The following GREB1 variants were observed in gnomAD, a reference collection of about 807,000 sequenced individuals.
The protein encoded by GREB1 is protein GREB1.
GREB1 carries 106 observed loss-of-function variants against 200.7 expected under a neutral mutation model. The observed-to-expected ratio is 0.53, with a 90% CI of 0.45 to 0.62. The LOEUF (loss-of-function observed/expected upper bound fraction) is 0.62, where lower values mean the gene tolerates loss of function less well. Among genes scored for constraint, GREB1 ranks in the 20% least tolerant of loss-of-function variants. GREB1 has a pLI of 0.00. For missense variants in GREB1, 2,243 were observed against 2,556.8 expected (o/e 0.88, Z 2.65); for synonymous variants, 1,132 against 1,092.4 (o/e 1.04, Z -0.72).
chr2:11,626,723 G>T (rs1684489446), intron 24 of GREB1, among the ~76,000 whole-genome samples: 1 of 152,328 alleles, frequency 6.6e-6, no homozygotes, highest in South Asian at 2.1e-4. Context: ...TTAGTCTACA[G>T]TAAGACATGA....
chr2:11,626,380 G>C (rs1684453498), intron 24 of GREB1, among the ~76,000 whole-genome samples: 1 of 152,082 alleles, frequency 6.6e-6, no homozygotes, highest in Non-Finnish European at 1.5e-5. Flanking sequence ...CTGAGGTCAG[G>C]AGTTCAAGAC....
chr2:11,568,704 C>G (rs901176594), intron 4 of GREB1, among the ~76,000 whole-genome samples: 14 of 152,342 alleles, frequency 9.2e-5, no homozygotes, highest in African/African-American at 3.1e-4. Context: ...GGAGGCTCTG[C>G]CTGTTGGCCC....
intron 2 of GREB1, among the ~76,000 whole-genome samples, chr2:11,558,760 G>C (rs188346236): frequency 1.1e-4 from 17 of 152,282 alleles, no homozygotes; most frequent in Admixed American, 9.2e-4. Flanking sequence ...GTTTGTCGGG[G>C]TTTCTTATCT....
chr2:11,485,596 G>A (rs955284571), intron 1 of GREB1, among the ~76,000 whole-genome samples: 22 of 152,126 alleles, frequency 1.4e-4, no homozygotes, highest in African/African-American at 5.3e-4. Flanking sequence ...TGAAACATCT[G>A]TGTTTCTCAC....
In GREB1 at chr2:11,638,018, C is replaced by T. The variant is rs963365149; in HGVS notation, c.5547+102C>T. 4.7e-5 allele frequency: 47 copies of T among 993,946 alleles called. No homozygotes were observed. In the African/African-American group the frequency reaches 5.7e-4, roughly 12 times the overall value. The allele number at this position is 993,946 out of a possible 1,614,324, so 61.6% of individuals were successfully genotyped here. A position where few individuals can be genotyped will look rare whatever the true frequency, so the allele number is the denominator to read the frequency against. On this transcript the variant is annotated intron_variant, in intron 31 of 32. Coordinates refer to ENST00000381486, the MANE Select transcript of GREB1 (RefSeq NM_014668.4). The stretch of plus-strand genomic sequence containing the variant: ...CTGAATCCTAAGTCCTCAACTCCTT[C>T]GTCTCGGGGTTGACCCCACTTTGTA...
At chr2:11,494,851 C>T (rs1672846120) in intron 1 of GREB1, among the ~76,000 whole-genome samples, 1 of 152,174 alleles carries the variant, frequency 6.6e-6, no homozygotes, top group African/African-American at 2.4e-5. Context: ...TAGACCATTG[C>T]CTCATACATG....
chr2:11,635,869 A>G (rs1392861917), intron 30 of GREB1, among the ~76,000 whole-genome samples: 1 of 152,202 alleles, frequency 6.6e-6, no homozygotes, highest in East Asian at 1.9e-4. Flanking sequence ...ATTAAGACGT[A>G]AAATCACAGC....
Position 11,628,055 on chromosome 2 carries a change from G to A in GREB1, c.4449+951G>A, listed in dbSNP as rs187516926. Among the ~76,000 whole-genome samples, 205 of 152,224 alleles carry A rather than the reference G, an allele frequency of 1.3e-3. 1 individual carries two copies. The highest frequency in any genetic ancestry group is 4.7e-3 in the African/African-American group (197 of 41,536). ...GTGGGTACACTCAGCCACGAAACTC[G>A]GAGGGCAGGCAGAGGCCAGACCACA... On this transcript the variant is annotated intron_variant, in intron 25 of 32. Coordinates refer to ENST00000381486, the MANE Select transcript of GREB1 (RefSeq NM_014668.4).
chr2:11,498,275 A>C (rs967079047), intron 1 of GREB1, among the ~76,000 whole-genome samples: 1 of 151,988 alleles, frequency 6.6e-6, no homozygotes, highest in African/African-American at 2.4e-5. Flanking sequence ...TAATTTTTGT[A>C]AAAGGTTTAG....
At position 11,507,766 on chromosome 2, in the gene GREB1, G is replaced by A. The variant is rs115178731; in HGVS notation, c.-159+25385G>A. Among the ~76,000 whole-genome samples the A allele has an allele frequency of 1.8e-3, 271 of 152,278 alleles. 1 individual carries two copies. The highest frequency in any genetic ancestry group is 6.4e-3 in the African/African-American group (265 of 41,552). On this transcript the variant is annotated intron_variant, in intron 1 of 2. Coordinates refer to the GREB1 transcript ENST00000628795. ...CCCCCAACAGCTGTGTTCATACTGA[G>A]TCTGTCCCTCTCTGGTCCCGACTCT...
In GREB1 at chr2:11,587,380, A is replaced by G. The variant is rs576871272; in HGVS notation, c.1160-1366A>G. 609 of 1,608,866 alleles carry G rather than the reference A, an allele frequency of 3.8e-4. 15 individuals carry two copies. The South Asian group carries it at 6.4e-3, about 17-fold the overall frequency. On this transcript the variant is annotated intron_variant, in intron 9 of 32. Coordinates refer to ENST00000381486, the MANE Select transcript of GREB1 (RefSeq NM_014668.4). Reference sequence around the variant, plus strand: ...CTTTACCTTGCCTCTTGCCCACTGCAGTATTTGTAAATGGTGCTACCCAAA... The same window carrying G: ...CTTTACCTTGCCTCTTGCCCACTGCGGTATTTGTAAATGGTGCTACCCAAA...
At chr2:11,521,453 T>C (rs1043782511) in intron 1 of GREB1, among the ~76,000 whole-genome samples, 5 of 152,190 alleles carry the variant, frequency 3.3e-5, no homozygotes, top group Admixed American at 1.3e-4. Flanking sequence ...TTCAAGGATA[T>C]TAAAAAAATT....
chr2:11,563,409 G>A (rs1277611753), intron 3 of GREB1, among the ~76,000 whole-genome samples: 1 of 152,246 alleles, frequency 6.6e-6, no homozygotes, highest in Non-Finnish European at 1.5e-5. Context: ...ATGGGTGGCA[G>A]CTTAGTCCTG....
chr2:11,586,170 C>T (rs775752577), intron 9 of GREB1, among the ~76,000 whole-genome samples: 2 of 152,218 alleles, frequency 1.3e-5, no homozygotes, highest in African/African-American at 4.8e-5. Flanking sequence ...GTCTATTTGC[C>T]TGTTCACTCA....
chr2:11,485,836 C>A (rs1672644026), intron 1 of GREB1, among the ~76,000 whole-genome samples: 2 of 152,244 alleles, frequency 1.3e-5, no homozygotes, highest in South Asian at 4.2e-4. Flanking sequence ...TTTAGAGATT[C>A]CAGAGTGTTC....
At chr2:11,530,813 A>C (rs1674046947), upstream of GREB1, among the ~76,000 whole-genome samples, 1 of 152,086 alleles carries the variant, frequency 6.6e-6, no homozygotes, top group Non-Finnish European at 1.5e-5. Flanking sequence ...GTATCTACTT[A>C]AGTTTAATAC....
At chr2:11,517,528 T>G (rs1258207812) in intron 1 of GREB1, 1 of 151,952 alleles carries the variant, frequency 6.6e-6, no homozygotes. Flanking sequence ...GGAAGGGGCT[T>G]GATCTGAAGG....
chr2:11,598,217 CACA>C (rs1426645867), intron 14 of GREB1, among the ~76,000 whole-genome samples: 1 of 152,240 alleles, frequency 6.6e-6, no homozygotes, highest in African/African-American at 2.4e-5. Context: ...GTGACCTAAC[CACA>C]TGTTGCTATC....
At chr2:11,551,482 G>A (rs1362380309) in intron 1 of GREB1, among the ~76,000 whole-genome samples, 11 of 152,164 alleles carry the variant, frequency 7.2e-5, no homozygotes, top group Non-Finnish European at 1.2e-4. Context: ...CTAGCTCTGC[G>A]GGTCCAGGGA....
Sources: allele counts gnomAD v4.1 joint callset (sites outside exome capture counted in the v4.1 genomes callset), GRCh38; gene constraint gnomAD v4.1.1; transcripts MANE v1.5; gene names NCBI Gene and HGNC (gene_info 2026-07-23, HGNC 2026-07-21).